GBF1: variants seen among roughly 807,000 people sequenced by gnomAD.
GBF1 encodes Golgi-specific brefeldin A-resistance guanine nucleotide exchange factor 1.
In GBF1, 114 loss-of-function variants were observed where a neutral mutation model predicts 210.5. The observed-to-expected ratio is 0.54, with a 90% CI of 0.47 to 0.63. The LOEUF (loss-of-function observed/expected upper bound fraction) is 0.63. Ranked by LOEUF, GBF1 falls within the 30% of genes least tolerant of loss-of-function variation. The pLI, the probability that GBF1 is intolerant of heterozygous loss-of-function variation, is 0.00. For missense variants in GBF1, 1,851 were observed against 2,357.7 expected (o/e 0.79, Z 4.45); for synonymous variants, 850 against 889.2 (o/e 0.96, Z 0.78).
At chr10:102,305,457 A>G (rs1176307733) in intron 3 of GBF1, among the ~76,000 whole-genome samples, 1 of 152,028 alleles carries the variant, frequency 6.6e-6, no homozygotes, top group African/African-American at 2.4e-5. Context: ...GAAAAATACA[A>G]AAATTAGCTG....
Position 102,366,525 on chromosome 10 carries a change from G to T in GBF1, c.2433+19G>T. ...TTGGATGGTGAGTTTGAGTGTCAGG[G>T]GCTGAGCCCAGGATCCAAGGTCAGT... On this transcript the variant is annotated intron_variant, in intron 19 of 39. Transcript: ENST00000369983. The surrounding 1 kb of genome is among the most constrained non-coding windows in gnomAD (Gnocchi z 4.0). 6.2e-7 allele frequency: 1 copy of T among 1,612,658 alleles called. No homozygotes were observed. Among genetic ancestry groups the T allele is most frequent in the Non-Finnish European group, 8.5e-7 (1 of 1,178,918 alleles).
intron 3 of GBF1, among the ~76,000 whole-genome samples, chr10:102,332,700 A>G (rs908052479): frequency 2.0e-5 from 3 of 152,114 alleles, no homozygotes; most frequent in Admixed American, 2.0e-4. Context: ...GCCTTTTTCA[A>G]TGTAAGTGGT....
rs915283303 is a variant in GBF1 at position 102,367,425 on chromosome 10, G to A, written c.2560-53G>A. 4.0e-6 allele frequency: 5 copies of A among 1,258,556 alleles called. No individual in the cohort carries two copies. In the African/African-American group the frequency reaches 7.3e-5, roughly 18 times the overall value. The allele number at this position is 1,258,556 out of a possible 1,614,324, so 78.0% of individuals were successfully genotyped here. A position where few individuals can be genotyped will look rare whatever the true frequency, so the allele number is the denominator to read the frequency against. On this transcript the variant is annotated intron_variant, in intron 20 of 39. Transcript: ENST00000369983. Reference sequence around the variant, plus strand: ...TTACTGAAAACCCAGGAGTTCCTTAGGTGGGGCTTCAGTGTTGACACAAGG... The same window carrying A: ...TTACTGAAAACCCAGGAGTTCCTTAAGTGGGGCTTCAGTGTTGACACAAGG...
chr10:102,298,561 C>T (rs1326367365), intron 3 of GBF1, among the ~76,000 whole-genome samples: 1 of 152,144 alleles, frequency 6.6e-6, no homozygotes, highest in Non-Finnish European at 1.5e-5. Flanking sequence ...AATAAATACT[C>T]GTATATTTCG....
chr10:102,313,591 T>C (rs992988122), intron 3 of GBF1, among the ~76,000 whole-genome samples: 1 of 152,208 alleles, frequency 6.6e-6, no homozygotes, highest in African/African-American at 2.4e-5. Flanking sequence ...CTTCCTGGTC[T>C]TGTTGAGGAT....
Position 102,363,578 on chromosome 10 carries a change from G to T in GBF1, c.2018-132G>T. 1 of 811,568 alleles carries T rather than the reference G, an allele frequency of 1.2e-6. No homozygotes were observed. The highest frequency in any genetic ancestry group is 1.6e-5 in the South Asian group (1 of 61,892). 50.3% of individuals were successfully genotyped at this position (811,568 alleles called of 1,614,324 possible). On this transcript the variant is annotated intron_variant, in intron 16 of 39. Coordinates refer to ENST00000369983, the MANE Select transcript of GBF1 (RefSeq NM_001377137.1). This position sits in a 1 kb window ranked among gnomAD's most constrained non-coding sequence, Gnocchi z 4.2. ...AGTTGATAGGACTTCCAGGGAAGTGGAAGACTGGTGAGGACAAGATTTCTG... is the reference window on the plus strand; with the variant it reads ...AGTTGATAGGACTTCCAGGGAAGTGTAAGACTGGTGAGGACAAGATTTCTG...
At chr10:102,309,055 T>C (rs1414449400) in intron 3 of GBF1, among the ~76,000 whole-genome samples, 1 of 152,188 alleles carries the variant, frequency 6.6e-6, no homozygotes, top group African/African-American at 2.4e-5. Context: ...AATAGTGCTC[T>C]GTGTCTTGAT....
At chr10:102,276,090 AG>A (rs2074934662) in intron 3 of GBF1, among the ~76,000 whole-genome samples, 1 of 151,720 alleles carries the variant, frequency 6.6e-6, no homozygotes, top group Admixed American at 6.6e-5. Context: ...TATGAAAATT[AG>A]CCGGGCATGG....
chr10:102,374,779 T>C (rs963432242), intron 29 of GBF1, among the ~76,000 whole-genome samples: 2 of 152,236 alleles, frequency 1.3e-5, no homozygotes, highest in African/African-American at 2.4e-5. Flanking sequence ...TAGTTTTGCA[T>C]AATGTTACCA....
chr10:102,269,009 C>A (rs955057723), intron 3 of GBF1, among the ~76,000 whole-genome samples: 29 of 152,314 alleles, frequency 1.9e-4, no homozygotes, highest in Non-Finnish European at 3.5e-4. Flanking sequence ...AGATAATTTG[C>A]ACCTCACCAG....
intron 3 of GBF1, among the ~76,000 whole-genome samples, chr10:102,287,491 TTC>T (rs2076064095): frequency 6.6e-6 from 1 of 151,876 alleles, no homozygotes; most frequent in Non-Finnish European, 1.5e-5. Flanking sequence ...CCTGGTCTAT[TTC>T]ACACAATTTC....
intron 3 of GBF1, among the ~76,000 whole-genome samples, chr10:102,260,623 G>A (rs1016993605): frequency 4.6e-5 from 7 of 151,400 alleles, no homozygotes; most frequent in South Asian, 2.1e-4. Context: ...GATTACAGGC[G>A]CGTGCCACCA....
Position 102,304,653 on chromosome 10 carries a change from T to C in GBF1, c.164-39398T>C, listed in dbSNP as rs2077680305. On this transcript the variant is annotated intron_variant, in intron 3 of 39. Coordinates refer to ENST00000369983, the MANE Select transcript of GBF1 (RefSeq NM_001377137.1). ...AGCCAGGTGCGGTGGCACACGCCAG[T>C]AATCTTGCTACTAGGGAGGCTGAGG... 1.3e-5 allele frequency among the ~76,000 whole-genome samples: 2 copies of C among 151,634 alleles called. 1 individual carries two copies. Among genetic ancestry groups the C allele is most frequent in the South Asian group, 4.2e-4 (2 of 4,800 alleles).
Position 102,372,297 on chromosome 10 carries a change from C to T in GBF1, c.3660+1437C>T, listed in dbSNP as rs1345640857. Among the ~76,000 whole-genome samples, 11 of 151,894 alleles carry T rather than the reference C, an allele frequency of 7.2e-5. No individual in the cohort carries two copies. The East Asian group carries it at 1.9e-3, about 27-fold the overall frequency. ...TTTGTGAGGCCAAGGCAGGCAATCA[C>T]CTGAGGTTGGGAGTTCGAGACCAGC... On this transcript the variant is annotated intron_variant, in intron 29 of 39. Transcript: ENST00000369983.
intron 3 of GBF1, among the ~76,000 whole-genome samples, chr10:102,309,064 A>G (rs2078184783): frequency 6.6e-6 from 1 of 152,144 alleles, no homozygotes; most frequent in South Asian, 2.1e-4. Flanking sequence ...CTGTGTCTTG[A>G]TCTGAGTGCC....
chr10:102,380,676 C>T lies in GBF1; in HGVS notation c.5163C>T (p.Thr1721=), dbSNP rs146881048. Reference sequence around the variant, plus strand: ...TACGAGATGAACTCTTCAAGCAGACCGTCATCCAGGGTAGGGGGCTCAGCC... The same window carrying T: ...TACGAGATGAACTCTTCAAGCAGACTGTCATCCAGGGTAGGGGGCTCAGCC... ...PHLRDELFKQ[T]VIQDPMPMEP... is the part of the protein sequence containing the mutation. Residue 1721 remains threonine, a synonymous_variant, in exon 38 of 40, where the codon ACC becomes ACT. Transcript: ENST00000369983. 226 of 1,609,186 alleles carry T rather than the reference C, an allele frequency of 1.4e-4. 1 individual carries two copies. The highest frequency in any genetic ancestry group is 1.2e-3 in the East Asian group (53 of 44,818).
At chr10:102,338,481 T>G (rs908333569) in intron 3 of GBF1, among the ~76,000 whole-genome samples, 5 of 151,902 alleles carry the variant, frequency 3.3e-5, no homozygotes, top group African/African-American at 1.2e-4. Context: ...TGACCTCAAG[T>G]GATCCACTCA....
intron 29 of GBF1, among the ~76,000 whole-genome samples, chr10:102,373,314 C>T (rs1017428935): frequency 6.6e-6 from 1 of 152,216 alleles, no homozygotes; most frequent in Non-Finnish European, 1.5e-5. Flanking sequence ...GAGGCTCACA[C>T]CTGTAAGCCC....
chr10:102,242,928 C>CAAAAAAAAAAAAAAAAAA (rs58301527), upstream of GBF1, among the ~76,000 whole-genome samples: 47 of 132,414 alleles, frequency 3.5e-4, no homozygotes, highest in African/African-American at 1.3e-3. Flanking sequence ...GACTCTGTCT[C>CAAAAAAAAAAAAAAAAAA]AAAAAAAAAA....
Sources: gnomAD v4.1 joint callset for allele counts (sites outside exome capture counted in the v4.1 genomes callset) on GRCh38, gnomAD v4.1.1 for gene constraint, Gnocchi (gnomAD v3.1) non-coding constraint, MANE v1.5 for transcripts, NCBI Gene and HGNC (gene_info 2026-07-23, HGNC 2026-07-21) for gene names.